PARG: variants seen among roughly 807,000 people sequenced by gnomAD.
The protein encoded by PARG is poly(ADP-ribose) glycohydrolase, also known as mitochondrial poly(ADP-ribose) glycohydrolase.
In PARG, 35 loss-of-function variants were observed where a neutral mutation model predicts 113.0. The ratio of observed to expected loss-of-function variants is 0.31; its 90% confidence interval spans 0.24 to 0.41. PARG has a LOEUF of 0.41. Ranked by LOEUF, PARG falls within the 10% of genes least tolerant of loss-of-function variation. PARG has a pLI of 1.00. For synonymous variants in PARG, 330 were observed against 409.9 expected (o/e 0.81, Z 2.36); for missense variants, 797 against 1,169.4 (o/e 0.68, Z 4.64).
intron 7 of PARG, among the ~76,000 whole-genome samples, chr10:49,896,222 G>A (rs1554842714): frequency 6.6e-6 from 1 of 152,142 alleles, no homozygotes; most frequent in African/African-American, 2.4e-5. Context: ...TTAGTAGTAG[G>A]TTTTTCACAG....
At chr10:49,910,732 C>A (rs567880999) in intron 7 of PARG, among the ~76,000 whole-genome samples, 4 of 152,060 alleles carry the variant, frequency 2.6e-5, no homozygotes, top group Non-Finnish European at 5.9e-5. Context: ...AAATCAATTG[C>A]AGATTTAAAG....
intron 16 of PARG, among the ~76,000 whole-genome samples, chr10:49,823,132 T>A (rs535401856): frequency 6.6e-6 from 1 of 152,298 alleles, no homozygotes; most frequent in African/African-American, 2.4e-5. Context: ...TATAAGATAA[T>A]ATTTTATTCT....
intron 7 of PARG, among the ~76,000 whole-genome samples, chr10:49,896,121 A>C (rs1156628752): frequency 1.3e-5 from 2 of 152,180 alleles, no homozygotes; most frequent in Non-Finnish European, 2.9e-5. Flanking sequence ...GATTTCTAGT[A>C]CAATGTTAAT....
chr10:49,939,252 C>T (rs1838896055), intron 1 of PARG, among the ~76,000 whole-genome samples: 1 of 152,192 alleles, frequency 6.6e-6, no homozygotes, highest in East Asian at 1.9e-4. Context: ...TTCCTCATAC[C>T]CTTTAAACAC....
chr10:49,916,766 T>C (rs1443452952), intron 6 of PARG, among the ~76,000 whole-genome samples: 1 of 152,184 alleles, frequency 6.6e-6, no homozygotes, highest in African/African-American at 2.4e-5. Context: ...TCTACTTTGG[T>C]TTTATTTTAT....
intron 13 of PARG, among the ~76,000 whole-genome samples, chr10:49,844,039 G>A (rs1220116117): frequency 1.3e-5 from 2 of 152,092 alleles, no homozygotes; most frequent in Non-Finnish European, 2.9e-5. Context: ...CAGCTACTAG[G>A]GGGGCTGAGG....
intron 7 of PARG, among the ~76,000 whole-genome samples, chr10:49,906,144 C>CTTT (rs71471360): frequency 1.8e-5 from 2 of 111,062 alleles, no homozygotes; most frequent in African/African-American, 3.0e-5. Flanking sequence ...GATGCTGCCG[C>CTTT]TTTTTTTTTT....
rs199985434 is a variant in PARG, at chr10:49,869,495, A to G, written c.2049T>C (p.Phe683=). The G allele has an allele frequency of 6.6e-5, 60 of 914,660 alleles. No homozygotes were observed. In the Middle Eastern group the frequency reaches 1.9e-3, roughly 29 times the overall value. The allele number at this position is 914,660 out of a possible 1,614,324, so 56.7% of individuals were successfully genotyped here. Residue 683 remains phenylalanine (F), a synonymous_variant, in exon 10 of 18, where the codon TTT becomes TTC. Coordinates refer to ENST00000616448, the MANE Select transcript of PARG (RefSeq NM_003631.5). ...PEKLKTLFCY[F]RRVTEKKPTG... ...ATTTACTTTTCTCTGTGACTCTTCT[A>G]AAGTAGCAGAAGAGCGTTTTAAGTT...
intron 13 of PARG, among the ~76,000 whole-genome samples, chr10:49,851,781 C>CAAAA (rs782455561): frequency 2.4e-5 from 2 of 81,964 alleles, no homozygotes; most frequent in African/African-American, 9.3e-5. Context: ...TAAGAGAAGA[C>CAAAA]AAAAAAAAAA....
At chr10:49,913,458 A>C (rs539600184) in intron 7 of PARG, among the ~76,000 whole-genome samples, 84 of 152,390 alleles carry the variant, frequency 5.5e-4, no homozygotes, top group Admixed American at 2.1e-3. Context: ...AGATTTTATA[A>C]TACAGCATAA....
In PARG at chr10:49,843,592, T is replaced by C; in HGVS notation, c.2394A>G (p.Thr798=). ...QYSEYTGYAE[T]YRWSRSHEDG... ...CTTCGTGGCTCCGGGACCAACGATA[T>C]GTCTCAGCATAGCCTGTGTATTCAC... The change falls in exon 14 of 18, where the codon ACA becomes ACG. Residue 798 remains threonine (T), a synonymous_variant. Transcript: ENST00000616448. 6.4e-7 allele frequency: 1 copy of C among 1,551,186 alleles called. No individual in the cohort carries two copies. The highest frequency in any genetic ancestry group is 1.7e-4 in the Middle Eastern group (1 of 5,992).
intron 16 of PARG, among the ~76,000 whole-genome samples, chr10:49,828,395 C>A (rs1844479045): frequency 6.6e-6 from 1 of 152,154 alleles, no homozygotes; most frequent in African/African-American, 2.4e-5. Flanking sequence ...CAGTTAGGAG[C>A]ACCAGAAATA....
Position 49,941,716 on chromosome 10 carries a change from C to G in PARG, c.10G>C (p.Gly4Arg). The change falls in exon 1 of 18, where the codon GGC (glycine) becomes CGC (arginine). Residue 4 changes from glycine to arginine, a missense_variant. By Grantham distance (125) the Gly-to-Arg change is moderately radical. Coordinates refer to ENST00000616448, the MANE Select transcript of PARG (RefSeq NM_003631.5). Reference sequence around the variant, plus strand: ...TTGGTGCAGGGTTCACAGCCGGGGCCCGCATTCATGCTGGGACCAGCAGCG... The same window carrying G: ...TTGGTGCAGGGTTCACAGCCGGGGCGCGCATTCATGCTGGGACCAGCAGCG... MNA[G>R]PGCEPCTKRP... 2 of 1,577,048 alleles carry G rather than the reference C, an allele frequency of 1.3e-6. No individual in the cohort carries two copies. Among genetic ancestry groups the G allele is most frequent in the Non-Finnish European group, 1.7e-6 (2 of 1,163,868 alleles).
At chr10:49,845,481 G>T (rs1201612013) in intron 13 of PARG, among the ~76,000 whole-genome samples, 20 of 152,324 alleles carry the variant, frequency 1.3e-4, no homozygotes, top group Middle Eastern at 3.4e-3. Context: ...GAACTCTCAG[G>T]CATGGGTGAA....
chr10:49,931,977 G>C (rs1838509701), intron 4 of PARG, 123 bp downstream of exon 4: 1 of 654,396 alleles, frequency 1.5e-6, no homozygotes, highest in African/African-American at 1.8e-5. Context: ...AGAATTCTCA[G>C]TATTTTATAT....
Position 49,921,096 on chromosome 10 carries a change from G to A in PARG, c.1662+1240C>T, listed in dbSNP as rs1203974098. Reference sequence around the variant, plus strand: ...ATGTTGTCACCCAGGTGGTTTTAGGGTCTAAGGAGTGGAAAAGGATGGCAC... The same window carrying A: ...ATGTTGTCACCCAGGTGGTTTTAGGATCTAAGGAGTGGAAAAGGATGGCAC... On this transcript the variant is annotated intron_variant, in intron 6 of 17. Coordinates refer to ENST00000616448, the MANE Select transcript of PARG (RefSeq NM_003631.5). Among the ~76,000 whole-genome samples the A allele has an allele frequency of 2.0e-5, 3 of 152,160 alleles. No homozygotes were observed. The East Asian group carries it at 5.8e-4, about 29-fold the overall frequency.
At chr10:49,891,177 G>A (rs1365493185) in intron 7 of PARG, among the ~76,000 whole-genome samples, 4 of 152,166 alleles carry the variant, frequency 2.6e-5, no homozygotes, top group African/African-American at 9.7e-5. Flanking sequence ...AGCCAGGCGT[G>A]GTGGCACATG....
intron 4 of PARG, among the ~76,000 whole-genome samples, chr10:49,927,869 T>C (rs1173333706): frequency 1.3e-5 from 2 of 151,738 alleles, no homozygotes; most frequent in African/African-American, 2.4e-5. Context: ...GGTGGGAGGA[T>C]TGCTTGAACC....
intron 4 of PARG, among the ~76,000 whole-genome samples, chr10:49,927,021 A>C (rs1185269035): frequency 6.6e-6 from 1 of 152,062 alleles, no homozygotes; most frequent in South Asian, 2.1e-4. Flanking sequence ...AAGAAAAATA[A>C]ACCTGGGCCG....
Sources: gnomAD v4.1 joint callset for allele counts (sites outside exome capture counted in the v4.1 genomes callset) on GRCh38, gnomAD v4.1.1 for gene constraint, MANE v1.5 for transcripts, NCBI Gene and HGNC (gene_info 2026-07-23, HGNC 2026-07-21) for gene names.